The following ARHGAP24 variants were observed in gnomAD, a reference collection of about 807,000 sequenced individuals.
The protein encoded by ARHGAP24 is Rho GTPase activating protein 24.
Under a neutral mutation model 76.4 loss-of-function variants are expected in ARHGAP24, and 50 were observed. That is an observed-to-expected ratio of 0.65 (90% CI 0.52 to 0.83). The LOEUF (loss-of-function observed/expected upper bound fraction) is 0.83, where lower values mean the gene tolerates loss of function less well. ARHGAP24 is among the 40% of genes least tolerant of loss of function. The pLI is 0.00. For missense variants in ARHGAP24, 930 were observed against 914.2 expected (o/e 1.02, Z -0.22); for synonymous variants, 345 against 323.3 (o/e 1.07, Z -0.72).
chr4:85,922,564 G>A (rs1273169877), intron 3 of ARHGAP24, among the ~76,000 whole-genome samples: 1 of 152,138 alleles, frequency 6.6e-6, no homozygotes, highest in Admixed American at 6.5e-5. Flanking sequence ...TACCTTAGAA[G>A]TTAGTATAAT....
rs190290096 is a variant in ARHGAP24, at chr4:85,517,006, C to T, written c.-21+41447C>T. The stretch of plus-strand genomic sequence containing the variant: ...TTTTCCTAATAGCTTTCCAGTTTCC[C>T]CAACCTCAGTTTTCCATCTCTCCTT... On this transcript the variant is annotated intron_variant, in intron 1 of 9. Transcript: ENST00000395184. Among the ~76,000 whole-genome samples the T allele has an allele frequency of 2.6e-5, 4 of 152,154 alleles. No homozygotes were observed. In the East Asian group the frequency reaches 7.7e-4, roughly 29 times the overall value.
intron 1 of ARHGAP24, among the ~76,000 whole-genome samples, chr4:85,543,311 G>A (rs992376592): frequency 6.6e-5 from 10 of 152,174 alleles, no homozygotes. Flanking sequence ...AGTACTGAGA[G>A]GTGAGCCTCT....
intron 3 of ARHGAP24, among the ~76,000 whole-genome samples, chr4:85,841,678 C>G (rs1280013754): frequency 6.6e-6 from 1 of 152,090 alleles, no homozygotes. Context: ...TCCAATTTTG[C>G]TTGATTGAAA....
intron 1 of ARHGAP24, among the ~76,000 whole-genome samples, chr4:85,485,401 A>C (rs1230394371): frequency 8.2e-5 from 10 of 122,544 alleles, no homozygotes; most frequent in Non-Finnish European, 1.3e-4. Context: ...ATATATATAT[A>C]TATATATATA....
At chr4:85,769,617 C>T (rs1727055157) in intron 3 of ARHGAP24, among the ~76,000 whole-genome samples, 1 of 150,718 alleles carries the variant, frequency 6.6e-6, no homozygotes, top group Non-Finnish European at 1.5e-5. Context: ...GTGGTTAATC[C>T]TTTTTTTCTT....
At chr4:85,672,539 T>C (rs1435015840) in intron 2 of ARHGAP24, among the ~76,000 whole-genome samples, 3 of 152,130 alleles carry the variant, frequency 2.0e-5, no homozygotes, top group African/African-American at 7.2e-5. Context: ...GGCAGTTGAG[T>C]TAAGGCAGAA....
intron 2 of ARHGAP24, among the ~76,000 whole-genome samples, chr4:85,701,718 C>A (rs1029574812): frequency 7.2e-5 from 11 of 151,850 alleles, no homozygotes; most frequent in Non-Finnish European, 1.5e-5. Context: ...GTGGTCCTGA[C>A]AGATGTTCAA....
chr4:85,692,789 T>G (rs2110019038), intron 2 of ARHGAP24, among the ~76,000 whole-genome samples: 1 of 152,330 alleles, frequency 6.6e-6, no homozygotes, highest in Middle Eastern at 3.4e-3. Flanking sequence ...CCATCCAGAT[T>G]CTAAACTCTA....
intron 2 of ARHGAP24, among the ~76,000 whole-genome samples, chr4:85,695,939 T>C (rs981165985): frequency 6.6e-6 from 1 of 152,162 alleles, no homozygotes; most frequent in Non-Finnish European, 1.5e-5. Flanking sequence ...AGGAAATATA[T>C]TGACAATGTT....
At position 85,526,169 on chromosome 4, in the gene ARHGAP24, AGGAGGCC is replaced by A. The variant is rs111759409; in HGVS notation, c.-20-44352_-20-44346del. Among the ~76,000 whole-genome samples, 1,469 of 152,082 alleles carry A rather than the reference AGGAGGCC, an allele frequency of 9.7e-3. 12 individuals carry two copies. The highest frequency in any genetic ancestry group is 0.018 in the East Asian group (94 of 5,142). Reference sequence around the variant, plus strand: ...CTCACACCTGTAATCCTAGGACTTTAGGAGGCCAAGATGGGTGGATGGCCTGAGCGAA... The same window carrying A: ...CTCACACCTGTAATCCTAGGACTTTAAAGATGGGTGGATGGCCTGAGCGAA... On this transcript the variant is annotated intron_variant, in intron 1 of 9. Coordinates refer to ENST00000395184, the MANE Select transcript of ARHGAP24 (RefSeq NM_001025616.3).
At chr4:85,680,448 G>A (rs925053748) in intron 2 of ARHGAP24, among the ~76,000 whole-genome samples, 1 of 152,150 alleles carries the variant, frequency 6.6e-6, no homozygotes, top group Non-Finnish European at 1.5e-5. Flanking sequence ...GCCAAAAAAA[G>A]TATCAAAGAA....
intron 3 of ARHGAP24, among the ~76,000 whole-genome samples, chr4:85,856,413 T>C (rs1457926693): frequency 6.6e-6 from 1 of 152,000 alleles, no homozygotes. Flanking sequence ...TTCTTACTTT[T>C]TACAATGAAC....
At chr4:85,829,348 G>A (rs569509685) in intron 3 of ARHGAP24, among the ~76,000 whole-genome samples, 5 of 152,174 alleles carry the variant, frequency 3.3e-5, no homozygotes, top group Non-Finnish European at 7.4e-5. Flanking sequence ...AAAATTATCT[G>A]TCCCACTTTT....
chr4:85,948,644 A>G (rs1737423080), intron 5 of ARHGAP24, among the ~76,000 whole-genome samples: 1 of 152,224 alleles, frequency 6.6e-6, no homozygotes, highest in Admixed American at 6.5e-5. Flanking sequence ...TCTCTTTTAT[A>G]AAATGTATGT....
chr4:85,654,068 A>G (rs1314571569), intron 2 of ARHGAP24, among the ~76,000 whole-genome samples: 1 of 152,158 alleles, frequency 6.6e-6, no homozygotes, highest in Non-Finnish European at 1.5e-5. Flanking sequence ...AACACATTGT[A>G]TTAGTCTCCT....
chr4:85,484,692 C>T (rs1318425757), intron 1 of ARHGAP24, among the ~76,000 whole-genome samples: 1 of 152,112 alleles, frequency 6.6e-6, no homozygotes, highest in Non-Finnish European at 1.5e-5. Context: ...TCTCGGCTCA[C>T]GGCAAATTCC....
At chr4:85,480,477 A>G (rs1421305756) in intron 1 of ARHGAP24, among the ~76,000 whole-genome samples, 3 of 152,120 alleles carry the variant, frequency 2.0e-5, no homozygotes, top group Non-Finnish European at 2.9e-5. Flanking sequence ...CACTTTTAAT[A>G]CCCTTATGAT....
chr4:85,834,473 C>G (rs888843800), intron 3 of ARHGAP24, among the ~76,000 whole-genome samples: 3 of 152,148 alleles, frequency 2.0e-5, no homozygotes, highest in Non-Finnish European at 4.4e-5. Flanking sequence ...TCACCCATCT[C>G]GCCACTTGCC....
At chr4:85,649,673 T>G (rs113614682) in intron 2 of ARHGAP24, among the ~76,000 whole-genome samples, 6 of 152,266 alleles carry the variant, frequency 3.9e-5, no homozygotes, top group African/African-American at 1.4e-4. Flanking sequence ...GTCTTCTAAC[T>G]GTGAAACTAG....
Sources: allele counts gnomAD v4.1 joint callset (sites outside exome capture counted in the v4.1 genomes callset), GRCh38; gene constraint gnomAD v4.1.1; transcripts MANE v1.5; gene names NCBI Gene and HGNC (gene_info 2026-07-23, HGNC 2026-07-21).